SORBS2: variants seen among roughly 807,000 people sequenced by gnomAD.
The protein encoded by SORBS2 is sorbin and SH3 domain-containing protein 2.
SORBS2 carries 46 observed loss-of-function variants against 97.7 expected under a neutral mutation model. The ratio of observed to expected loss-of-function variants is 0.47; its 90% CI spans 0.37 to 0.60. The LOEUF (loss-of-function observed/expected upper bound fraction) is 0.60, where lower values mean the gene tolerates loss of function less well. Ranked by LOEUF, SORBS2 falls within the 20% of genes least tolerant of loss-of-function variation. SORBS2 has a pLI of 0.00. For missense variants in SORBS2, 1,316 were observed against 1,282.3 expected (o/e 1.03, Z -0.40); for synonymous variants, 476 against 473.4 (o/e 1.01, Z -0.07).
intron 2 of SORBS2, among the ~76,000 whole-genome samples, chr4:185,755,275 C>T (rs1218944167): frequency 6.6e-6 from 1 of 152,240 alleles, no homozygotes; most frequent in Non-Finnish European, 1.5e-5. Context: ...CTTTGCTTCC[C>T]ATCGCAAGCA....
intron 3 of SORBS2, 100 bp downstream of exon 6, chr4:185,678,696 A>C (rs1306081920): frequency 2.3e-5 from 26 of 1,152,080 alleles, no homozygotes; most frequent in Non-Finnish European, 1.3e-5. Flanking sequence ...ATAACAGTAC[A>C]TGAAATTTAA....
At chr4:185,618,096 C>T (rs1161368466) in intron 9 of SORBS2, among the ~76,000 whole-genome samples, 1 of 152,154 alleles carries the variant, frequency 6.6e-6, no homozygotes, top group African/African-American at 2.4e-5. Context: ...CCTCAGCCTC[C>T]TGAGTAGCTG....
At chr4:185,625,729 C>T (rs1038501662) in intron 6 of SORBS2, among the ~76,000 whole-genome samples, 3 of 152,234 alleles carry the variant, frequency 2.0e-5, no homozygotes, top group African/African-American at 7.2e-5. Flanking sequence ...ATGGGGCTCA[C>T]ACGCCCTGAA....
intron 6 of SORBS2, among the ~76,000 whole-genome samples, chr4:185,624,943 T>C (rs546057928): frequency 1.3e-5 from 2 of 152,344 alleles, no homozygotes; most frequent in African/African-American, 4.8e-5. Context: ...ATTTGATTCG[T>C]AATGATACAT....
At chr4:185,939,275 C>G (rs971716815) in intron 1 of SORBS2, among the ~76,000 whole-genome samples, 2 of 152,158 alleles carry the variant, frequency 1.3e-5, no homozygotes, top group African/African-American at 4.8e-5. Flanking sequence ...TGTATTTTAC[C>G]TCTTCCATTC....
intron 2 of SORBS2, among the ~76,000 whole-genome samples, chr4:185,686,149 T>C (rs1171413467): frequency 1.3e-5 from 2 of 152,098 alleles, no homozygotes; most frequent in Non-Finnish European, 2.9e-5. Flanking sequence ...ACCACCGATA[T>C]AATAATATAA....
chr4:185,652,036 C>T (rs1561685042), intron 2 of SORBS2, among the ~76,000 whole-genome samples: 1 of 151,930 alleles, frequency 6.6e-6, no homozygotes, highest in African/African-American at 2.4e-5. Context: ...GTGATCATTG[C>T]TTACTGCAGC....
At chr4:185,810,937 C>T (rs1251891291) in intron 1 of SORBS2, 1 of 152,178 alleles carries the variant, frequency 6.6e-6, no homozygotes, top group African/African-American at 2.4e-5. Flanking sequence ...CTGCCACATA[C>T]CTCAGCTGTC....
chr4:185,620,133 C>T (rs1398679312), exon 8 of SORBS2: 1 of 1,610,532 alleles, frequency 6.2e-7, no homozygotes, highest in African/African-American at 1.3e-5. Flanking sequence ...GGATGAGTAA[C>T]TTCTAGGGGA....
At chr4:185,602,568 G>C (rs1201332389) in intron 12 of SORBS2, among the ~76,000 whole-genome samples, 1 of 152,172 alleles carries the variant, frequency 6.6e-6, no homozygotes, top group East Asian at 1.9e-4. Context: ...ACTAAACAAT[G>C]GTTGATGGGG....
At chr4:185,881,478 A>C (rs2099236845) in intron 1 of SORBS2, among the ~76,000 whole-genome samples, 1 of 152,216 alleles carries the variant, frequency 6.6e-6, no homozygotes, top group African/African-American at 2.4e-5. Flanking sequence ...ATCAAGCATG[A>C]AGAAAGAATT....
chr4:185,600,815 C>T (rs2096244655), intron 12 of SORBS2, among the ~76,000 whole-genome samples: 1 of 152,008 alleles, frequency 6.6e-6, no homozygotes, highest in Non-Finnish European at 1.5e-5. Context: ...AATTTTCTAA[C>T]ACATAAGAAG....
At chr4:185,757,584 A>G (rs567167017) in intron 2 of SORBS2, among the ~76,000 whole-genome samples, 1 of 152,354 alleles carries the variant, frequency 6.6e-6, no homozygotes, top group East Asian at 1.9e-4. Context: ...CTTTATACCA[A>G]CATCACAATT....
At chr4:185,638,746 G>A in intron 4 of SORBS2, 131 bp downstream of exon 14, 2 of 805,720 alleles carry the variant, frequency 2.5e-6, no homozygotes, top group South Asian at 5.1e-5. Context: ...GCCTGTGGAT[G>A]AGAAGATTCT....
rs199574755 is a variant in SORBS2, at chr4:185,678,829, GA to G, written c.-197-8del. On this transcript the variant is annotated splice_polypyrimidine_tract_variant and splice_region_variant and intron_variant, in intron 2 of 20. Coordinates refer to the SORBS2 transcript ENST00000284776. ...GGTGACTGAGAATCACGCCCTGAAA[GA>G]AAAAAAAATGTTGAAATTAAGACTA... The G allele has an allele frequency of 2.0e-4, 287 of 1,408,874 alleles. No homozygotes were observed. Among genetic ancestry groups the G allele is most frequent in the Middle Eastern group, 7.5e-4 (4 of 5,364 alleles). 87.3% of individuals were successfully genotyped at this position (1,408,874 alleles called of 1,614,324 possible). A position where few individuals can be genotyped will look rare whatever the true frequency, so the allele number is the denominator to read the frequency against.
In SORBS2 at chr4:185,700,477, G is replaced by A. The variant is rs192800415; in HGVS notation, c.-197-21655C>T. ...GAGGTTTATTTTTTTCTTTCATCTCGTGGAACTCATCCCAGTGGCCCTTAG... is the reference window on the plus strand; with the variant it reads ...GAGGTTTATTTTTTTCTTTCATCTCATGGAACTCATCCCAGTGGCCCTTAG... On this transcript the variant is annotated intron_variant, in intron 2 of 20. Transcript: ENST00000284776. Among the ~76,000 whole-genome samples the A allele has an allele frequency of 9.2e-4, 140 of 152,184 alleles. 1 individual carries two copies. The highest frequency in any genetic ancestry group is 3.2e-3 in the African/African-American group (134 of 41,502).
At chr4:185,861,969 G>T (rs2099224057) in intron 1 of SORBS2, among the ~76,000 whole-genome samples, 2 of 152,164 alleles carry the variant, frequency 1.3e-5, no homozygotes, top group Non-Finnish European at 2.9e-5. Flanking sequence ...CTGGAAGCTG[G>T]GCAAGGCTGG....
At chr4:185,774,868 C>CTTTTTTTTTTTTTTTTTT (rs11382901) in intron 2 of SORBS2, 1 of 143,946 alleles carries the variant, frequency 6.9e-6, no homozygotes. Context: ...TCTTTTTCCT[C>CTTTTTTTTTTTTTTTTTT]TTTTTTTTTT....
intron 1 of SORBS2, chr4:185,918,097 A>G (rs1175597202): frequency 1.3e-5 from 2 of 152,214 alleles, no homozygotes; most frequent in Non-Finnish European, 2.9e-5. Context: ...TTACTCAACC[A>G]GTGTTTACTA....
Sources: gnomAD v4.1 joint callset for allele counts (sites outside exome capture counted in the v4.1 genomes callset) on GRCh38, gnomAD v4.1.1 for gene constraint, MANE v1.5 for transcripts, NCBI Gene and HGNC (gene_info 2026-07-23, HGNC 2026-07-21) for gene names.